TUBB4B: variants seen among roughly 807,000 people sequenced by gnomAD.
TUBB4B encodes the protein tubulin beta-4B chain.
In TUBB4B, 7 loss-of-function variants were observed where a neutral mutation model predicts 34.3. The ratio of observed to expected loss-of-function variants is 0.20; its 90% CI spans 0.12 to 0.38. The LOEUF is 0.38. TUBB4B is among the 10% of genes least tolerant of loss of function. TUBB4B has a pLI of 1.00. For synonymous variants in TUBB4B, 390 were observed against 250.2 expected (o/e 1.56, Z -5.27); for missense variants, 178 against 610.9 (o/e 0.29, Z 7.47).
intron 3 of TUBB4B, 35 bp from the exon 4 acceptor site, chr9:137,242,461 C>G (rs373600011): frequency 2.5e-5 from 40 of 1,598,398 alleles, no homozygotes; most frequent in Admixed American, 1.2e-4. Context: ...TGCTGTCTAC[C>G]TGGCTGACAA....
chr9:137,241,467 C>A, intron 1 of TUBB4B, 50 bp downstream of exon 1: 1 of 1,413,140 alleles, frequency 7.1e-7, no homozygotes. Flanking sequence ...GCGGTGTGGG[C>A]GGGCGGCCGG....
intron 3 of TUBB4B, 170 bp downstream of exon 3, chr9:137,242,191 G>A (rs748702077): frequency 3.8e-5 from 27 of 708,832 alleles, no homozygotes; most frequent in Non-Finnish European, 5.1e-5. Flanking sequence ...GTCTGCCGAG[G>A]CGAGGAGCCG....
Position 137,241,450 on chromosome 9 carries a change from C to G in TUBB4B, c.57+33C>G, listed in dbSNP as rs1023159932. The G allele has an allele frequency of 9.7e-6, 15 of 1,539,692 alleles. No homozygotes were observed. In the African/African-American group the frequency reaches 1.3e-4, roughly 13 times the overall value. On this transcript the variant is annotated intron_variant, in intron 1 of 3. Transcript: ENST00000340384. ...GCCGGGGCGCTGGGGCCAGGCGGGC[C>G]TGCCGGGCGGTGTGGGCGGGCGGCC...
chr9:137,242,871 C>A lies in TUBB4B; in HGVS notation c.653C>A (p.Thr218Asn). 6.2e-7 allele frequency: 1 copy of A among 1,613,498 alleles called. No homozygotes were observed. The highest frequency in any genetic ancestry group is 8.5e-7 in the Non-Finnish European group (1 of 1,180,022). ...YDICFRTLKLTTPTYGDLNHL... is the reference protein window; with the variant it reads ...YDICFRTLKLNTPTYGDLNHL... ...ATTTGCTTCAGAACCCTAAAGCTGA[C>A]CACGCCCACCTATGGTGACCTGAAC... The change falls in exon 4 of 4, where the codon ACC becomes AAC. Residue 218 changes from threonine (T) to asparagine (N), a missense_variant. Coordinates refer to ENST00000340384, the MANE Select transcript of TUBB4B (RefSeq NM_006088.6).
rs1479432725 is a variant in TUBB4B, at chr9:137,241,741, T to C, written c.78T>C (p.Asp26=). The C allele has an allele frequency of 6.2e-7, 1 of 1,611,716 alleles. No homozygotes were observed. The highest frequency in any genetic ancestry group is 8.5e-7 in the Non-Finnish European group (1 of 1,179,364). The change falls in exon 2 of 4, where the codon GAT becomes GAC. Residue 26 remains aspartate, a synonymous_variant. Transcript: ENST00000340384. ...IGAKFWEVIS[D]EHGIDPTGTY... ...TGTAGTTTTGGGAGGTGATCAGCGA[T>C]GAGCACGGCATCGACCCCACGGGCA...
In TUBB4B at chr9:137,241,411, C is replaced by T. The variant is rs564430275; in HGVS notation, c.51C>T (p.Gly17=). ...LQAGQCGNQI[G]AKFWEVISDE... is the part of the protein sequence containing the mutation. Reference sequence around the variant, plus strand: ...CCGGGCAGTGCGGCAACCAAATCGGCGCCAAGGTAAGTTGCCGGGGCGCTG... The same window carrying T: ...CCGGGCAGTGCGGCAACCAAATCGGTGCCAAGGTAAGTTGCCGGGGCGCTG... The change falls in exon 1 of 4, where the codon GGC becomes GGT. Residue 17 remains glycine (G), a synonymous_variant. Coordinates refer to ENST00000340384, the MANE Select transcript of TUBB4B (RefSeq NM_006088.6). 1.9e-6 allele frequency: 3 copies of T among 1,590,246 alleles called. No individual in the cohort carries two copies. Among genetic ancestry groups the T allele is most frequent in the South Asian group, 2.2e-5 (2 of 89,672 alleles).
rs1313610161 is a variant in TUBB4B at position 137,241,912 on chromosome 9, C to T, written c.168C>T (p.Gly56=). ...GCTGACGCCCTCCCGTCCCCGCAGG[C>T]GGCAAGTACGTGCCCCGCGCCGTGC... ...RINVYYNEAT[G]GKYVPRAVLV... Residue 56 remains glycine, a splice_region_variant and synonymous_variant, in exon 3 of 4, where the codon GGC becomes GGT. Coordinates refer to ENST00000340384, the MANE Select transcript of TUBB4B (RefSeq NM_006088.6). 2.5e-6 allele frequency: 4 copies of T among 1,610,920 alleles called. No homozygotes were observed. The highest frequency in any genetic ancestry group is 1.3e-5 in the African/African-American group (1 of 74,848).
At position 137,241,433 on chromosome 9, in the gene TUBB4B, G is replaced by T; in HGVS notation, c.57+16G>T. The T allele has an allele frequency of 6.3e-7, 1 of 1,577,028 alleles. No homozygotes were observed. Among genetic ancestry groups the T allele is most frequent in the South Asian group, 1.1e-5 (1 of 88,736 alleles). ...CGGCGCCAAGGTAAGTTGCCGGGGC[G>T]CTGGGGCCAGGCGGGCCTGCCGGGC... On this transcript the variant is annotated intron_variant, in intron 1 of 3. Coordinates refer to ENST00000340384, the MANE Select transcript of TUBB4B (RefSeq NM_006088.6).
chr9:137,241,432 C>T lies in TUBB4B; in HGVS notation c.57+15C>T, dbSNP rs748216533. ...TCGGCGCCAAGGTAAGTTGCCGGGG[C>T]GCTGGGGCCAGGCGGGCCTGCCGGG... On this transcript the variant is annotated intron_variant, in intron 1 of 3. Transcript: ENST00000340384. 6.3e-6 allele frequency: 10 copies of T among 1,578,356 alleles called. No individual in the cohort carries two copies. The highest frequency in any genetic ancestry group is 1.1e-5 in the South Asian group (1 of 88,848).
rs1388174529 is a variant in TUBB4B, at chr9:137,243,707, G to A, written c.*151G>A. On this transcript the variant is annotated 3_prime_UTR_variant, in exon 4 of 4. Coordinates refer to ENST00000340384, the MANE Select transcript of TUBB4B (RefSeq NM_006088.6). ...ACCACCATTAAAGCATTTTCATAGT[G>A]TGTGGTTTCGCTTTGCCCATTCCTT... 2.4e-5 allele frequency: 38 copies of A among 1,614,054 alleles called. No homozygotes were observed. The highest frequency in any genetic ancestry group is 3.1e-5 in the Non-Finnish European group (37 of 1,180,030).
Position 137,241,290 on chromosome 9 carries a change from A to T in TUBB4B, c.-71A>T, listed in dbSNP as rs983389799. On this transcript the variant is annotated 5_prime_UTR_variant, in exon 1 of 4. Coordinates refer to ENST00000340384, the MANE Select transcript of TUBB4B (RefSeq NM_006088.6). ...GCGTTGGCGGAGCGTCGGTTGTAGC[A>T]CTCTGCGCGCCCGCTCTTCTGCTGC... 1 of 1,540,824 alleles carries T rather than the reference A, an allele frequency of 6.5e-7. No individual in the cohort carries two copies. The highest frequency in any genetic ancestry group is 1.2e-5 in the South Asian group (1 of 86,688).
At position 137,242,434 on chromosome 9, in the gene TUBB4B, A is replaced by G. The variant is rs2131434244; in HGVS notation, c.278-62A>G. 7 of 1,564,946 alleles carry G rather than the reference A, an allele frequency of 4.5e-6. 1 individual carries two copies. Among genetic ancestry groups the G allele is most frequent in the Admixed American group, 3.5e-5 (2 of 56,574 alleles). ...CACCATGTCACTCGGCTTTTTTCGC[A>G]TGGCGGTGACCAGTAGTGCTGTCTA... is the stretch of plus-strand genomic sequence containing the variant. On this transcript the variant is annotated intron_variant, in intron 3 of 3. Coordinates refer to ENST00000340384, the MANE Select transcript of TUBB4B (RefSeq NM_006088.6).
chr9:137,243,177 G>A lies in TUBB4B; in HGVS notation c.959G>A (p.Arg320His), dbSNP rs868154988. Residue 320 changes from arginine to histidine, a missense_variant, in exon 4 of 4, where the codon CGC becomes CAC. Transcript: ENST00000340384. ...ACGGTTGCCGCCGTGTTCAGGGGCC[G>A]CATGTCCATGAAGGAGGTGGATGAG... Reference protein sequence around the residue: ...YLTVAAVFRGRMSMKEVDEQM... With the variant: ...YLTVAAVFRGHMSMKEVDEQM... 4 of 1,613,086 alleles carry A rather than the reference G, an allele frequency of 2.5e-6. No individual in the cohort carries two copies. The highest frequency in any genetic ancestry group is 1.7e-5 in the Admixed American group (1 of 60,028).
intron 1 of TUBB4B, 131 bp from the exon 2 acceptor site, chr9:137,241,590 A>G (rs1279744561): frequency 1.8e-6 from 1 of 550,208 alleles, no homozygotes; most frequent in Non-Finnish European, 2.3e-6. Context: ...CCCGGCGGCC[A>G]GGGCGCGCGG....
In TUBB4B at chr9:137,243,612, AGCCTGTCCTGTG is replaced by A. The variant is rs374050763; in HGVS notation, c.*65_*76del. On this transcript the variant is annotated 3_prime_UTR_variant, in exon 4 of 4. Coordinates refer to ENST00000340384, the MANE Select transcript of TUBB4B (RefSeq NM_006088.6). ...CAGTGTGAACTCTTTATTCACTCCC[AGCCTGTCCTGTG>A]GCCTGTCCCACTGTGTGCACTTGCT... is the stretch of plus-strand genomic sequence containing the variant. 405 of 1,613,476 alleles carry A rather than the reference AGCCTGTCCTGTG, an allele frequency of 2.5e-4. 1 individual carries two copies. Among genetic ancestry groups the A allele is most frequent in the Non-Finnish European group, 3.1e-4 (361 of 1,179,554 alleles).
chr9:137,242,350 CT>C, intron 3 of TUBB4B, 145 bp from the exon 4 acceptor site: 2 of 998,482 alleles, frequency 2.0e-6, no homozygotes, highest in Non-Finnish European at 1.5e-6. Flanking sequence ...AGGCTGCCGT[CT>C]TTTGGCTTTG....
Position 137,241,759 on chromosome 9 carries a change from C to T in TUBB4B, c.96C>T (p.Pro32=), listed in dbSNP as rs763412561. The change falls in exon 2 of 4, where the codon CCC becomes CCT. Residue 32 remains proline (P), a synonymous_variant. Transcript: ENST00000340384. ...EVISDEHGID[P]TGTYHGDSDL... ...TCAGCGATGAGCACGGCATCGACCCCACGGGCACCTACCACGGGGACAGCG... is the reference window on the plus strand; with the variant it reads ...TCAGCGATGAGCACGGCATCGACCCTACGGGCACCTACCACGGGGACAGCG... 6.2e-6 allele frequency: 10 copies of T among 1,612,104 alleles called. No individual in the cohort carries two copies. The highest frequency in any genetic ancestry group is 2.2e-5 in the East Asian group (1 of 44,878).
In TUBB4B at chr9:137,243,482, T is replaced by C; in HGVS notation, c.1264T>C (p.Tyr422His). 6.2e-7 allele frequency: 1 copy of C among 1,613,678 alleles called. No individual in the cohort carries two copies. Among genetic ancestry groups the C allele is most frequent in the Non-Finnish European group, 8.5e-7 (1 of 1,180,018 alleles). The change falls in exon 4 of 4, where the codon TAC becomes CAC. Residue 422 changes from tyrosine (Y) to histidine (H), a missense_variant. Physicochemically the swap from Tyr to His is moderately conservative, Grantham distance 83. Coordinates refer to ENST00000340384, the MANE Select transcript of TUBB4B (RefSeq NM_006088.6). ...ESNMNDLVSE[Y>H]QQYQDATAEE... ...CAACATGAATGACCTGGTGTCCGAG[T>C]ACCAGCAGTACCAGGATGCCACAGC...
chr9:137,241,863 G>C, intron 2 of TUBB4B, 34 bp downstream of exon 2: 1 of 1,611,704 alleles, frequency 6.2e-7, no homozygotes, highest in Non-Finnish European at 8.5e-7. Context: ...ACCGCCCTCC[G>C]GGGACCCCGC....
Sources: gnomAD v4.1 joint callset for allele counts on GRCh38, gnomAD v4.1.1 for gene constraint, MANE v1.5 for transcripts, NCBI Gene and HGNC (gene_info 2026-07-23, HGNC 2026-07-21) for gene names.